Variants in VAV3 observed in about 807,000 individuals in gnomAD.
The protein encoded by VAV3 is vav guanine nucleotide exchange factor 3, also known as guanine nucleotide exchange factor VAV3.
A neutral mutation model predicts 131.2 loss-of-function variants in VAV3; 94 were observed. The observed-to-expected ratio is 0.72, with a 90% confidence interval of 0.61 to 0.85. The LOEUF (loss-of-function observed/expected upper bound fraction) is 0.85. Among genes scored for constraint, VAV3 ranks in the 40% least tolerant of loss-of-function variants. The pLI, the probability that VAV3 is intolerant of heterozygous loss-of-function variation, is 0.00. For missense variants in VAV3, 939 were observed against 1,002.7 expected (o/e 0.94, Z 0.86); for synonymous variants, 349 against 342.0 (o/e 1.02, Z -0.22).
chr1:107,714,669 G>A (rs1660987053), intron 15 of VAV3, among the ~76,000 whole-genome samples: 1 of 151,700 alleles, frequency 6.6e-6, no homozygotes, highest in African/African-American at 2.4e-5. Flanking sequence ...TATGCTGCTG[G>A]TTATTTGAAA....
chr1:107,830,699 T>C (rs1272338740), intron 2 of VAV3, among the ~76,000 whole-genome samples: 1 of 152,172 alleles, frequency 6.6e-6, no homozygotes, highest in East Asian at 1.9e-4. Flanking sequence ...TGCCTTTCTT[T>C]ACCTACGATT....
chr1:107,765,234 G>A, intron 8 of VAV3, 59 bp from the exon 9 acceptor site: 2 of 1,304,502 alleles, frequency 1.5e-6, no homozygotes, highest in Non-Finnish European at 2.2e-6. Flanking sequence ...AACTGGAGGG[G>A]GAAACAAGCA....
intron 15 of VAV3, among the ~76,000 whole-genome samples, chr1:107,732,792 T>C (rs1170350069): frequency 1.3e-5 from 2 of 152,150 alleles, no homozygotes; most frequent in Non-Finnish European, 1.5e-5. Context: ...AGGGCATAGC[T>C]GAATAAAAGG....
chr1:107,617,570 T>C lies in VAV3; in HGVS notation c.1977A>G (p.Pro659=), dbSNP rs1267200026. The C allele has an allele frequency of 6.8e-6, 11 of 1,610,308 alleles. No individual in the cohort carries two copies. The East Asian group carries it at 2.5e-4, about 36-fold the overall frequency. The change falls in exon 21 of 27, where the codon CCA becomes CCG. Residue 659 remains proline, a synonymous_variant. Transcript: ENST00000370056. The part of the protein sequence containing the change: ...FFPSDAVKPC[P]CVPKPVDYSC... ...AAATTAAGATACTAATACTTACACATGGGCAAGGCTTGACTGCATCACTTG... is the reference window on the plus strand; with the variant it reads ...AAATTAAGATACTAATACTTACACACGGGCAAGGCTTGACTGCATCACTTG...
intron 22 of VAV3, among the ~76,000 whole-genome samples, chr1:107,605,497 A>G (rs1269666535): frequency 6.6e-6 from 1 of 152,188 alleles, no homozygotes; most frequent in Non-Finnish European, 1.5e-5. Flanking sequence ...GGACTGCCCA[A>G]CTTTTAGAAC....
chr1:107,707,715 C>G (rs1660539296), intron 15 of VAV3, among the ~76,000 whole-genome samples: 1 of 152,126 alleles, frequency 6.6e-6, no homozygotes, highest in Non-Finnish European at 1.5e-5. Context: ...GTATGAAAAA[C>G]CTTGTGTATG....
At chr1:107,689,755 C>G (rs77084557) in intron 17 of VAV3, among the ~76,000 whole-genome samples, 1 of 152,264 alleles carries the variant, frequency 6.6e-6, no homozygotes, top group African/African-American at 2.4e-5. Flanking sequence ...CTTTTCCTCC[C>G]TATTGGAAAC....
chr1:107,770,698 A>G lies in VAV3; in HGVS notation c.586T>C (p.Cys196Arg). 1 of 1,612,142 alleles carries G rather than the reference A, an allele frequency of 6.2e-7. No individual in the cohort carries two copies. The highest frequency in any genetic ancestry group is 8.5e-7 in the Non-Finnish European group (1 of 1,179,196). Residue 196 changes from cysteine (C) to arginine (R), a missense_variant, in exon 6 of 27, where the codon TGT becomes CGT. Coordinates refer to ENST00000370056, the MANE Select transcript of VAV3 (RefSeq NM_006113.5). ...TCTGTCTGCTTAATTTCTGCTAGAC[A>G]ACAACTTCGTATATCATTTTCTGGA... ...KCPENDIRSC[C>R]LAEIKQTEEK...
intron 15 of VAV3, among the ~76,000 whole-genome samples, chr1:107,716,352 G>C (rs1206639123): frequency 1.3e-5 from 2 of 152,202 alleles, no homozygotes; most frequent in Admixed American, 6.5e-5. Flanking sequence ...GGTGGGCCAG[G>C]TGTGGTGGCT....
At chr1:107,894,164 C>A (rs1269978944) in intron 1 of VAV3, among the ~76,000 whole-genome samples, 1 of 152,172 alleles carries the variant, frequency 6.6e-6, no homozygotes, top group Non-Finnish European at 1.5e-5. Context: ...TTTACTCGGG[C>A]AAGAATTTTC....
chr1:107,723,173 C>A (rs1661606139), intron 15 of VAV3, among the ~76,000 whole-genome samples: 1 of 152,104 alleles, frequency 6.6e-6, no homozygotes, highest in African/African-American at 2.4e-5. Context: ...ATCTTAAAAA[C>A]TGCTGTAGAA....
intron 17 of VAV3, among the ~76,000 whole-genome samples, chr1:107,700,382 C>T (rs1660030567): frequency 6.6e-6 from 1 of 152,172 alleles, no homozygotes; most frequent in Non-Finnish European, 1.5e-5. Context: ...TGGTGGTTTG[C>T]TGCACCTATC....
At chr1:107,693,321 T>C (rs950511544) in intron 17 of VAV3, among the ~76,000 whole-genome samples, 2 of 152,196 alleles carry the variant, frequency 1.3e-5, no homozygotes. Context: ...CATCCAACAT[T>C]CAAATTTGTT....
intron 1 of VAV3, among the ~76,000 whole-genome samples, chr1:107,944,700 G>A (rs2101292643): frequency 6.6e-6 from 1 of 152,254 alleles, no homozygotes; most frequent in Admixed American, 6.5e-5. Context: ...CCTCTTCCAG[G>A]TTCAAGCAAA....
chr1:107,961,341 T>C (rs893136203), intron 1 of VAV3, among the ~76,000 whole-genome samples: 2 of 152,188 alleles, frequency 1.3e-5, no homozygotes, highest in Non-Finnish European at 2.9e-5. Context: ...CAATAACTCA[T>C]GCCCTTCCAC....
At position 107,603,167 on chromosome 1, in the gene VAV3, TA is replaced by T. The variant is rs756406549; in HGVS notation, c.2016-5del. On this transcript the variant is annotated splice_polypyrimidine_tract_variant and splice_region_variant and intron_variant, in intron 22 of 26. Coordinates refer to ENST00000370056, the MANE Select transcript of VAV3 (RefSeq NM_006113.5). ...TCTTTCCATTGCTCCAGCATACCTG[TA>T]AAAAACAATGACACAGAAAATTTGG... The T allele has an allele frequency of 3.1e-6, 5 of 1,609,464 alleles. No individual in the cohort carries two copies. Among genetic ancestry groups the T allele is most frequent in the Non-Finnish European group, 3.4e-6 (4 of 1,176,826 alleles).
intron 15 of VAV3, among the ~76,000 whole-genome samples, chr1:107,711,401 G>A (rs1458534592): frequency 1.3e-5 from 2 of 152,138 alleles, no homozygotes; most frequent in Non-Finnish European, 2.9e-5. Flanking sequence ...CCAGAAGGAA[G>A]TATAAATCAC....
At chr1:107,748,643 T>C (rs1012772389) in intron 15 of VAV3, among the ~76,000 whole-genome samples, 16 of 152,214 alleles carry the variant, frequency 1.1e-4, no homozygotes, top group African/African-American at 3.4e-4. Context: ...AGTTATTACA[T>C]AAAAAGTTTA....
At chr1:107,737,839 G>C (rs1346692822) in intron 15 of VAV3, among the ~76,000 whole-genome samples, 1 of 152,132 alleles carries the variant, frequency 6.6e-6, no homozygotes. Context: ...ATTTGACCCA[G>C]CAATCCCATT....
Sources: allele counts gnomAD v4.1 joint callset (sites outside exome capture counted in the v4.1 genomes callset), GRCh38; gene constraint gnomAD v4.1.1; transcripts MANE v1.5; gene names NCBI Gene and HGNC (gene_info 2026-07-23, HGNC 2026-07-21).